Variants in NAALADL2 observed in about 807,000 individuals in gnomAD.
NAALADL2 encodes the protein inactive N-acetylated-alpha-linked acidic dipeptidase-like protein 2.
In NAALADL2, 76 loss-of-function variants were observed where a neutral mutation model predicts 87.2. The observed-to-expected ratio is 0.87, with a 90% confidence interval of 0.72 to 1.05. NAALADL2 has a LOEUF of 1.05. Ranked by LOEUF, NAALADL2 falls within the 50% of genes least tolerant of loss-of-function variation. The pLI, the probability that NAALADL2 is intolerant of heterozygous loss-of-function variation, is 0.00. For synonymous variants in NAALADL2, 354 were observed against 331.0 expected (o/e 1.07, Z -0.75); for missense variants, 1,089 against 945.8 (o/e 1.15, Z -1.99).
chr3:174,797,777 T>C (rs1245483289), intron 3 of NAALADL2, among the ~76,000 whole-genome samples: 2 of 152,218 alleles, frequency 1.3e-5, no homozygotes, highest in Non-Finnish European at 2.9e-5. Context: ...CCAAATTATA[T>C]CTGATAAGGT....
chr3:175,324,427 C>A, intron 5 of NAALADL2, 102 bp downstream of exon 5: 1 of 851,968 alleles, frequency 1.2e-6, no homozygotes, highest in South Asian at 2.3e-5. Flanking sequence ...TCAAATAATT[C>A]TTAGCATCCC....
At chr3:175,133,570 A>G (rs980243376) in intron 2 of NAALADL2, among the ~76,000 whole-genome samples, 1 of 152,118 alleles carries the variant, frequency 6.6e-6, no homozygotes, top group Non-Finnish European at 1.5e-5. Context: ...AAAAATACGA[A>G]AACCAGTCAG....
intron 11 of NAALADL2, among the ~76,000 whole-genome samples, chr3:175,691,548 T>A (rs1431412468): frequency 2.0e-5 from 3 of 152,012 alleles, no homozygotes; most frequent in Non-Finnish European, 4.4e-5. Flanking sequence ...TTTAAAATTT[T>A]ATCATCTATT....
chr3:175,195,937 C>T (rs954671149), intron 2 of NAALADL2, among the ~76,000 whole-genome samples: 16 of 151,890 alleles, frequency 1.1e-4, no homozygotes, highest in African/African-American at 3.9e-4. Context: ...TTATGACCCA[C>T]TGATCTAGAG....
chr3:175,086,943 T>G (rs763939141), intron 1 of NAALADL2, among the ~76,000 whole-genome samples: 36 of 152,278 alleles, frequency 2.4e-4, no homozygotes, highest in Non-Finnish European at 4.3e-4. Context: ...ACATAAAGTT[T>G]ACTTACAGAA....
intron 1 of NAALADL2, among the ~76,000 whole-genome samples, chr3:175,052,455 G>A (rs1208798547): frequency 1.3e-5 from 2 of 152,184 alleles, no homozygotes; most frequent in African/African-American, 4.8e-5. Flanking sequence ...CTTTGTCATG[G>A]TGAGCTACTT....
intron 1 of NAALADL2, among the ~76,000 whole-genome samples, chr3:174,475,453 T>A (rs1717157959): frequency 8.7e-6 from 1 of 114,862 alleles, no homozygotes; most frequent in Non-Finnish European, 1.7e-5. Flanking sequence ...TATATAATTG[T>A]GTAATTTTTT....
intron 13 of NAALADL2, among the ~76,000 whole-genome samples, chr3:175,787,379 G>T (rs1244709944): frequency 2.0e-5 from 3 of 152,142 alleles, no homozygotes; most frequent in Non-Finnish European, 2.9e-5. Flanking sequence ...GTGGGCGTAG[G>T]ACCCTCCGAG....
intron 2 of NAALADL2, among the ~76,000 whole-genome samples, chr3:175,197,863 T>C (rs1739248192): frequency 6.6e-6 from 1 of 151,986 alleles, no homozygotes. Context: ...AAATTACCAC[T>C]GAGGGCAGCT....
chr3:174,653,313 A>C (rs1385162495), intron 2 of NAALADL2, among the ~76,000 whole-genome samples: 1 of 152,218 alleles, frequency 6.6e-6, no homozygotes. Context: ...AATTCATACA[A>C]TAGAATGCTA....
rs558160418 is a variant in NAALADL2, at chr3:175,020,412, G to T, written c.44-76378G>T. Among the ~76,000 whole-genome samples, 11 of 152,154 alleles carry T rather than the reference G, an allele frequency of 7.2e-5. No individual in the cohort carries two copies. The South Asian group carries it at 1.4e-3, about 20-fold the overall frequency. On this transcript the variant is annotated intron_variant, in intron 1 of 13. Coordinates refer to ENST00000454872, the MANE Select transcript of NAALADL2 (RefSeq NM_207015.3). ...AATCATGAATCTCCACCTAACTGCA[G>T]TGAGTTGCATTTGAAAATGTATCAT...
chr3:175,501,300 G>A (rs922494869), intron 9 of NAALADL2, among the ~76,000 whole-genome samples: 3 of 151,966 alleles, frequency 2.0e-5, no homozygotes, highest in African/African-American at 7.3e-5. Context: ...CCTTTTATTG[G>A]CTTCATGTTC....
chr3:175,626,731 C>T (rs1727035853), intron 10 of NAALADL2, among the ~76,000 whole-genome samples: 1 of 151,860 alleles, frequency 6.6e-6, no homozygotes, highest in African/African-American at 2.4e-5. Context: ...CCATCTATAA[C>T]ATCTTCATGA....
intron 1 of NAALADL2, 88 bp from the exon 2 acceptor site, chr3:175,096,702 C>T: frequency 1.3e-6 from 1 of 762,872 alleles, no homozygotes; most frequent in East Asian, 2.8e-5. Context: ...ATTAAACACT[C>T]AATATGGCTT....
chr3:175,771,454 G>T (rs886526451), intron 13 of NAALADL2, among the ~76,000 whole-genome samples: 3 of 152,052 alleles, frequency 2.0e-5, no homozygotes, highest in Admixed American at 1.3e-4. Flanking sequence ...CCATAAATTA[G>T]GAGGCTTAAA....
intron 2 of NAALADL2, among the ~76,000 whole-genome samples, chr3:174,598,434 C>T (rs1718125359): frequency 6.6e-6 from 1 of 152,130 alleles, no homozygotes; most frequent in African/African-American, 2.4e-5. Flanking sequence ...AAATGATATA[C>T]ACAGAACTTA....
intron 2 of NAALADL2, among the ~76,000 whole-genome samples, chr3:175,134,207 T>C (rs760305552): frequency 6.6e-6 from 1 of 152,232 alleles, no homozygotes; most frequent in Non-Finnish European, 1.5e-5. Context: ...TCAAGTGCCA[T>C]GTGAGATATC....
chr3:175,000,388 G>T (rs1365344537), intron 1 of NAALADL2, among the ~76,000 whole-genome samples: 1 of 152,166 alleles, frequency 6.6e-6, no homozygotes, highest in Non-Finnish European at 1.5e-5. Context: ...TGAAGGGCCA[G>T]ATAGTAAATA....
chr3:174,997,091 G>A (rs1437166872), intron 1 of NAALADL2, among the ~76,000 whole-genome samples: 14 of 149,226 alleles, frequency 9.4e-5, no homozygotes, highest in Non-Finnish European at 1.9e-4. Context: ...TGGTCCATGA[G>A]CACTTAGATT....
Sources: gnomAD v4.1 joint callset for allele counts (sites outside exome capture counted in the v4.1 genomes callset) on GRCh38, gnomAD v4.1.1 for gene constraint, MANE v1.5 for transcripts, NCBI Gene and HGNC (gene_info 2026-07-23, HGNC 2026-07-21) for gene names.